ACVR1B: variants seen among roughly 807,000 people sequenced by gnomAD.
ACVR1B encodes activin A receptor type 1B, also known as activin receptor type-1B.
Under a neutral mutation model 55.6 loss-of-function variants are expected in ACVR1B, and 15 were observed. The ratio of observed to expected loss-of-function variants is 0.27; its 90% CI spans 0.18 to 0.42. The LOEUF (loss-of-function observed/expected upper bound fraction) is 0.42. Ranked by LOEUF, ACVR1B falls within the 10% of genes least tolerant of loss-of-function variation. The pLI is 1.00. For missense variants in ACVR1B, 359 were observed against 670.1 expected (o/e 0.54, Z 5.13); for synonymous variants, 247 against 254.6 (o/e 0.97, Z 0.28).
chr12:51,970,037 A>C (rs1400829633), intron 1 of ACVR1B, among the ~76,000 whole-genome samples: 1 of 152,240 alleles, frequency 6.6e-6, no homozygotes, highest in Non-Finnish European at 1.5e-5. Flanking sequence ...CCCAGGCTGT[A>C]ACACACTAAA....
intron 5 of ACVR1B, among the ~76,000 whole-genome samples, chr12:51,984,804 C>T (rs1478404314): frequency 2.0e-5 from 3 of 152,236 alleles, no homozygotes; most frequent in Non-Finnish European, 4.4e-5. Flanking sequence ...TTCTCATCAT[C>T]GGGCCTGTTT....
chr12:51,972,126 G>A (rs1941756391), intron 1 of ACVR1B, among the ~76,000 whole-genome samples: 1 of 152,144 alleles, frequency 6.6e-6, no homozygotes, highest in African/African-American at 2.4e-5. Context: ...AAATATATTA[G>A]CTGGGCGTGG....
At chr12:51,954,728 C>T (rs1941376286) in intron 1 of ACVR1B, among the ~76,000 whole-genome samples, 1 of 152,200 alleles carries the variant, frequency 6.6e-6, no homozygotes, top group South Asian at 2.1e-4. Context: ...GTGACTGCCT[C>T]AGTTTTCCCT....
intron 3 of ACVR1B, among the ~76,000 whole-genome samples, chr12:51,977,607 CTTTTTTT>C (rs71443237): frequency 8.1e-5 from 10 of 122,978 alleles, no homozygotes; most frequent in Admixed American, 2.5e-4. Flanking sequence ...TATTGCATTC[CTTTTTTT>C]TTTTTTTTTT....
At chr12:51,990,017 GGTGCGGTGGCTCGCACCT>G (rs1942158693) in intron 7 of ACVR1B, among the ~76,000 whole-genome samples, 1 of 151,824 alleles carries the variant, frequency 6.6e-6, no homozygotes, top group South Asian at 2.1e-4. Flanking sequence ...TTAGGGGTCA[GGTGCGGTGGCTCGCACCT>G]GTAATCCCAG....
intron 8 of ACVR1B, among the ~76,000 whole-genome samples, chr12:51,993,750 G>C (rs1676308064): frequency 8.2e-6 from 1 of 122,432 alleles, no homozygotes; most frequent in Non-Finnish European, 1.6e-5. Context: ...CTGGGTGACA[G>C]AGTGAGACTC....
At chr12:51,966,959 G>A (rs976898520) in intron 1 of ACVR1B, among the ~76,000 whole-genome samples, 3 of 152,216 alleles carry the variant, frequency 2.0e-5, no homozygotes, top group African/African-American at 7.2e-5. Flanking sequence ...ATTAAAGGTA[G>A]GCCGGGCGCA....
chr12:51,957,566 C>A (rs138934033), intron 1 of ACVR1B, among the ~76,000 whole-genome samples: 1 of 152,080 alleles, frequency 6.6e-6, no homozygotes, highest in Non-Finnish European at 1.5e-5. Context: ...CCACCATACC[C>A]GGCTAATGTT....
intron 1 of ACVR1B, chr12:51,960,070 C>T (rs1239656833): frequency 6.6e-6 from 1 of 152,142 alleles, no homozygotes; most frequent in Non-Finnish European, 1.5e-5. Context: ...TGCCTAGCAC[C>T]AAGCTGAATG....
rs755003561 is a variant in ACVR1B at position 51,975,488 on chromosome 12, C to T, written c.315C>T (p.Asp105=). 1.4e-5 allele frequency: 22 copies of T among 1,614,026 alleles called. No individual in the cohort carries two copies. The highest frequency in any genetic ancestry group is 1.8e-5 in the Non-Finnish European group (21 of 1,179,858). ...ACACTGACTACTGCAACAGGATCGA[C>T]TTGAGGGTGCCCAGTGGTGAGTGCA... The part of the protein sequence containing the change: ...CCYTDYCNRI[D]LRVPSGHLKE... Residue 105 remains aspartate, a synonymous_variant, in exon 2 of 9, where the codon GAC becomes GAT. Transcript: ENST00000257963.
At chr12:51,990,557 C>A (rs1942171176) in intron 7 of ACVR1B, among the ~76,000 whole-genome samples, 1 of 152,018 alleles carries the variant, frequency 6.6e-6, no homozygotes, top group Admixed American at 6.6e-5. Flanking sequence ...TTCAAGCAAT[C>A]CTTCCACCTC....
At chr12:51,993,210 G>A (rs761303885) in intron 8 of ACVR1B, among the ~76,000 whole-genome samples, 3 of 152,204 alleles carry the variant, frequency 2.0e-5, no homozygotes, top group Non-Finnish European at 4.4e-5. Flanking sequence ...TCACCTTGCC[G>A]TCCATTAGAG....
intron 1 of ACVR1B, among the ~76,000 whole-genome samples, chr12:51,969,244 T>C (rs1941699057): frequency 6.6e-6 from 1 of 152,202 alleles, no homozygotes; most frequent in Non-Finnish European, 1.5e-5. Flanking sequence ...TATATGGCCA[T>C]AGTAACTGGG....
chr12:51,962,189 T>C (rs1475849842), intron 1 of ACVR1B, among the ~76,000 whole-genome samples: 2 of 152,184 alleles, frequency 1.3e-5, no homozygotes, highest in Non-Finnish European at 2.9e-5. Context: ...CAAACACCTT[T>C]CTCTTATGCA....
At chr12:51,966,070 A>G (rs530332778) in intron 1 of ACVR1B, among the ~76,000 whole-genome samples, 72 of 152,316 alleles carry the variant, frequency 4.7e-4, no homozygotes, top group Admixed American at 1.7e-3. Flanking sequence ...TACTAAAAAA[A>G]AAAGAAAGAA....
At chr12:51,972,713 A>G (rs191890582) in intron 1 of ACVR1B, among the ~76,000 whole-genome samples, 5 of 152,314 alleles carry the variant, frequency 3.3e-5, no homozygotes, top group Non-Finnish European at 7.3e-5. Context: ...GCTACTAGTG[A>G]TGGTAATTCT....
rs1337963182 is a variant in ACVR1B, at chr12:51,955,019, G to T, written c.91+3185G>T. ...GTCTCTGGCAGGCTCTTACATCGTCGACTAGGCAGCATACCTGTGCTAATC... is the reference window on the plus strand; with the variant it reads ...GTCTCTGGCAGGCTCTTACATCGTCTACTAGGCAGCATACCTGTGCTAATC... On this transcript the variant is annotated intron_variant, in intron 1 of 8. Transcript: ENST00000257963. Among the ~76,000 whole-genome samples the T allele has an allele frequency of 2.6e-5, 4 of 152,120 alleles. No homozygotes were observed. The East Asian group carries it at 5.8e-4, about 22-fold the overall frequency.
Position 51,986,956 on chromosome 12 carries a change from T to C in ACVR1B, c.1261+14T>C. 6.2e-7 allele frequency: 1 copy of C among 1,614,248 alleles called. No individual in the cohort carries two copies. The highest frequency in any genetic ancestry group is 2.2e-5 in the East Asian group (1 of 44,890). Reference sequence around the variant, plus strand: ...GCAATTCTGGAGGTACCTTTCTTTTTTGCCTTTGCTCCTACCTCCCATTCC... The same window carrying C: ...GCAATTCTGGAGGTACCTTTCTTTTCTGCCTTTGCTCCTACCTCCCATTCC... On this transcript the variant is annotated intron_variant, in intron 7 of 8. Coordinates refer to ENST00000257963, the MANE Select transcript of ACVR1B (RefSeq NM_004302.5).
rs752343246 is a variant in ACVR1B at position 51,981,162 on chromosome 12, T to C, written c.774T>C (p.His258=). 1 of 1,614,082 alleles carries C rather than the reference T, an allele frequency of 6.2e-7. No homozygotes were observed. Among genetic ancestry groups the C allele is most frequent in the South Asian group, 1.1e-5 (1 of 91,080 alleles). Residue 258 remains histidine, a synonymous_variant, in exon 4 of 9, where the codon CAT becomes CAC. Coordinates refer to ENST00000257963, the MANE Select transcript of ACVR1B (RefSeq NM_004302.5). ...TATACCAGACGGTCATGCTGCGCCA[T>C]GAAAACATCCTTGGATTTATTGCTG... ...AEIYQTVMLR[H]ENILGFIAAD...
Sources: gnomAD v4.1 joint callset for allele counts (sites outside exome capture counted in the v4.1 genomes callset) on GRCh38, gnomAD v4.1.1 for gene constraint, MANE v1.5 for transcripts, NCBI Gene and HGNC (gene_info 2026-07-23, HGNC 2026-07-21) for gene names.